CHST9: variants seen among roughly 807,000 people sequenced by gnomAD.
CHST9 encodes the protein carbohydrate sulfotransferase 9.
CHST9 carries 41 observed loss-of-function variants against 44.4 expected under a neutral mutation model. The observed-to-expected ratio is 0.92, with a 90% CI of 0.72 to 1.20. CHST9 has a LOEUF of 1.20. Ranked by LOEUF, CHST9 falls within the 50% of genes most tolerant of loss-of-function variation. The pLI is 0.00. For synonymous variants in CHST9, 171 were observed against 178.4 expected, an observed-to-expected ratio of 0.96 and a Z score of 0.33; for missense variants, 504 against 516.5, an observed-to-expected ratio of 0.98 and a Z score of 0.23.
chr18:26,973,576 C>T (rs1365339356), intron 4 of CHST9, among the ~76,000 whole-genome samples: 2 of 152,194 alleles, frequency 1.3e-5, no homozygotes, highest in African/African-American at 4.8e-5. Context: ...TAAAACATGA[C>T]ATTATGTTTT....
chr18:26,990,259 C>G (rs973015968), intron 4 of CHST9, among the ~76,000 whole-genome samples: 1 of 152,120 alleles, frequency 6.6e-6, no homozygotes, highest in African/African-American at 2.4e-5. Flanking sequence ...CAAGGAAACT[C>G]TTTCTTTAAA....
At chr18:27,154,137 G>C (rs1200236664) in intron 1 of CHST9, among the ~76,000 whole-genome samples, 1 of 152,026 alleles carries the variant, frequency 6.6e-6, no homozygotes, top group Admixed American at 6.6e-5. Flanking sequence ...TTAAGGTATA[G>C]TGAGGGAACT....
chr18:26,988,277 A>G (rs2056776954), intron 4 of CHST9, among the ~76,000 whole-genome samples: 1 of 152,220 alleles, frequency 6.6e-6, no homozygotes, highest in South Asian at 2.1e-4. Flanking sequence ...TTTATTGGAT[A>G]AAGAAGCATA....
intron 4 of CHST9, among the ~76,000 whole-genome samples, chr18:26,957,024 C>G (rs548467762): frequency 6.6e-6 from 1 of 152,302 alleles, no homozygotes; most frequent in Middle Eastern, 3.4e-3. Flanking sequence ...GAAGTGACAT[C>G]AATGAGCTTC....
chr18:26,947,554 T>C (rs55976171), intron 4 of CHST9, among the ~76,000 whole-genome samples: 15,946 of 152,010 alleles, frequency 0.1, 1,729 homozygotes, highest in African/African-American at 0.28. Context: ...TAAGTAAATT[T>C]ATAAGAAAAA....
intron 2 of CHST9, among the ~76,000 whole-genome samples, chr18:27,106,593 C>T (rs1049233359): frequency 6.6e-6 from 1 of 152,072 alleles, no homozygotes; most frequent in African/African-American, 2.4e-5. Context: ...AATTTATTCC[C>T]AACTATGTTG....
chr18:26,943,024 C>T (rs2056106581), intron 5 of CHST9, among the ~76,000 whole-genome samples: 2 of 152,072 alleles, frequency 1.3e-5, no homozygotes, highest in South Asian at 4.2e-4. Flanking sequence ...AGGAGAATTG[C>T]TTGAACCTGG....
At chr18:26,959,914 T>C (rs938920036) in intron 4 of CHST9, among the ~76,000 whole-genome samples, 1 of 152,082 alleles carries the variant, frequency 6.6e-6, no homozygotes, top group South Asian at 2.1e-4. Flanking sequence ...GTAGGGCACA[T>C]TGTATGAGTA....
At chr18:26,977,019 A>G (rs1212584624) in intron 4 of CHST9, among the ~76,000 whole-genome samples, 1 of 152,162 alleles carries the variant, frequency 6.6e-6, no homozygotes, top group African/African-American at 2.4e-5. Flanking sequence ...GAGCAGTCTC[A>G]TGTACTTTGC....
intron 3 of CHST9, among the ~76,000 whole-genome samples, chr18:27,029,184 A>G (rs765991005): frequency 9.2e-5 from 14 of 152,164 alleles, no homozygotes; most frequent in Admixed American, 2.0e-4. Flanking sequence ...AGAAGAAACC[A>G]CAAAGTGATT....
intron 4 of CHST9, among the ~76,000 whole-genome samples, chr18:27,011,746 T>G (rs1018600205): frequency 6.6e-6 from 1 of 152,228 alleles, no homozygotes; most frequent in Non-Finnish European, 1.5e-5. Context: ...GAGACTGGAA[T>G]ATACCAGTGA....
intron 2 of CHST9, among the ~76,000 whole-genome samples, chr18:27,137,348 GTGTGTGTA>G (rs1339995928): frequency 4.9e-4 from 49 of 100,076 alleles, no homozygotes; most frequent in African/African-American, 1.7e-3. Flanking sequence ...GTGTGTGTGT[GTGTGTGTA>G]TAGAGAGAGA....
intron 2 of CHST9, among the ~76,000 whole-genome samples, chr18:27,073,398 T>TGGGGGTG (rs1397079381): frequency 1.5e-5 from 1 of 68,908 alleles, no homozygotes; most frequent in Non-Finnish European, 2.6e-5. Flanking sequence ...GCCCAGCTGA[T>TGGGGGTG]GGGGGTGGGG....
chr18:27,178,968 T>C (rs368439764), intron 1 of CHST9, among the ~76,000 whole-genome samples: 1 of 151,950 alleles, frequency 6.6e-6, no homozygotes, highest in African/African-American at 2.4e-5. Context: ...GCCTTAATAA[T>C]ACCTCCTTTC....
At chr18:27,137,204 GAATA>G (rs2058520710) in intron 2 of CHST9, among the ~76,000 whole-genome samples, 1 of 150,658 alleles carries the variant, frequency 6.6e-6, no homozygotes, top group South Asian at 2.1e-4. Flanking sequence ...TACATATAAT[GAATA>G]TATAATTTAT....
At chr18:27,100,143 G>A (rs772609968) in intron 2 of CHST9, among the ~76,000 whole-genome samples, 6 of 151,970 alleles carry the variant, frequency 3.9e-5, no homozygotes, top group African/African-American at 7.3e-5. Context: ...TATTCTAAGC[G>A]AATTAATGTA....
At chr18:27,182,134 T>A (rs1457965740) in intron 1 of CHST9, among the ~76,000 whole-genome samples, 2 of 78,108 alleles carry the variant, frequency 2.6e-5, no homozygotes, top group African/African-American at 9.0e-5. Context: ...TTTTTCTCAT[T>A]AACATGAATA....
intron 3 of CHST9, among the ~76,000 whole-genome samples, chr18:27,036,140 T>G (rs2057388451): frequency 1.3e-5 from 2 of 152,172 alleles, no homozygotes; most frequent in South Asian, 4.1e-4. Context: ...ATATTATGAA[T>G]GCAGACCGAA....
chr18:27,180,054 T>A (rs1046896063), intron 1 of CHST9, among the ~76,000 whole-genome samples: 1 of 152,084 alleles, frequency 6.6e-6, no homozygotes, highest in Non-Finnish European at 1.5e-5. Context: ...ACTCCAAGAG[T>A]CTACATTTGA....
Sources: allele counts gnomAD v4.1 joint callset (sites outside exome capture counted in the v4.1 genomes callset), GRCh38; gene constraint gnomAD v4.1.1; transcripts MANE v1.5; gene names NCBI Gene and HGNC (gene_info 2026-07-23, HGNC 2026-07-21).